APLF: variants seen among roughly 807,000 people sequenced by gnomAD.
APLF encodes the protein aprataxin and PNK-like factor.
APLF carries 61 observed loss-of-function variants against 55.6 expected under a neutral mutation model. That is an observed-to-expected ratio of 1.10 (90% confidence interval 0.89 to 1.36). The LOEUF is 1.36. Ranked by LOEUF, APLF falls within the 40% of genes most tolerant of loss-of-function variation. APLF has a pLI of 0.00. For synonymous variants in APLF, 207 were observed against 214.8 expected (o/e 0.96, Z 0.32); for missense variants, 611 against 602.5 (o/e 1.01, Z -0.15).
intron 1 of APLF, among the ~76,000 whole-genome samples, chr2:68,480,242 T>C (rs1675911646): frequency 6.6e-6 from 1 of 152,042 alleles, no homozygotes; most frequent in South Asian, 2.1e-4. Flanking sequence ...TAAGATCATG[T>C]TATCTACAAG....
intron 5 of APLF, among the ~76,000 whole-genome samples, chr2:68,519,153 AGACTT>A (rs1251773471): frequency 3.6e-5 from 5 of 137,080 alleles, no homozygotes; most frequent in African/African-American, 5.4e-5. Context: ...ATATATATAA[AGACTT>A]GACCAAAAAT....
At chr2:68,540,900 TAGAA>T in intron 7 of APLF, among the ~76,000 whole-genome samples, 1 of 152,256 alleles carries the variant, frequency 6.6e-6, no homozygotes, top group Admixed American at 6.5e-5. Context: ...CATGACCAGA[TAGAA>T]AGCCTTATTA....
In APLF at chr2:68,529,943, T is replaced by C. The variant is rs1397482904; in HGVS notation, c.804+3701T>C. ...GCTCCCCCGGGGCCTCTCCAGTGCC[T>C]CTGTGCCGCCTGGAGCCAGGCCCGC... On this transcript the variant is annotated intron_variant, in intron 6 of 9. Coordinates refer to ENST00000303795, the MANE Select transcript of APLF (RefSeq NM_173545.3). The surrounding 1 kb of genome is among the most constrained non-coding windows in gnomAD (Gnocchi z 4.4). 2.6e-5 allele frequency among the ~76,000 whole-genome samples: 4 copies of C among 152,218 alleles called. No individual in the cohort carries two copies. Among genetic ancestry groups the C allele is most frequent in the Non-Finnish European group, 4.4e-5 (3 of 68,032 alleles).
chr2:68,476,367 C>T (rs1004655649), intron 1 of APLF, among the ~76,000 whole-genome samples: 1 of 151,164 alleles, frequency 6.6e-6, no homozygotes, highest in African/African-American at 2.4e-5. Context: ...CCTGTAATCT[C>T]AGCTACTTGG....
intron 8 of APLF, among the ~76,000 whole-genome samples, chr2:68,565,793 CA>C (rs1351528520): frequency 9.9e-5 from 15 of 151,984 alleles, no homozygotes; most frequent in African/African-American, 3.4e-4. Flanking sequence ...CAGTTGGATA[CA>C]TTTTTTTACA....
At position 68,513,151 on chromosome 2, in the gene APLF, A is replaced by G; in HGVS notation, c.413A>G (p.His138Arg). 5.0e-6 allele frequency: 8 copies of G among 1,611,490 alleles called. No homozygotes were observed. The highest frequency in any genetic ancestry group is 6.8e-6 in the Non-Finnish European group (8 of 1,178,390). Residue 138 changes from histidine (H) to arginine (R), a missense_variant, in exon 4 of 10, where the codon CAT becomes CGT. His to Arg is a conservative substitution (Grantham distance 29). Transcript: ENST00000303795. ...TPKSPVINLP[H>R]ETTGASQLEG... ...AAATCCCCCGTGATTAATTTACCTC[A>G]TGAGACTACTGGTGCCTCACAACTG... is the stretch of plus-strand genomic sequence containing the variant.
At chr2:68,519,064 A>G (rs1403806198) in intron 5 of APLF, among the ~76,000 whole-genome samples, 1 of 127,698 alleles carries the variant, frequency 7.8e-6, no homozygotes, top group Admixed American at 9.0e-5. Flanking sequence ...TATAATTAAT[A>G]TATAATAATA....
intron 8 of APLF, among the ~76,000 whole-genome samples, chr2:68,562,703 C>G (rs754401044): frequency 5.3e-5 from 8 of 151,832 alleles, no homozygotes; most frequent in Non-Finnish European, 1.0e-4. Flanking sequence ...TGAACAAGTT[C>G]ATAAAAATGG....
chr2:68,476,239 A>G (rs139026555), intron 1 of APLF, among the ~76,000 whole-genome samples: 22 of 152,202 alleles, frequency 1.4e-4, no homozygotes, highest in African/African-American at 5.1e-4. Flanking sequence ...TAATCCCAGC[A>G]CTTTGGGAGG....
chr2:68,506,046 G>C (rs889908347), intron 3 of APLF, among the ~76,000 whole-genome samples: 5 of 151,856 alleles, frequency 3.3e-5, no homozygotes, highest in Non-Finnish European at 7.4e-5. Context: ...AACAAAAGAC[G>C]CTCCTTTCAC....
In APLF at chr2:68,538,151, A is replaced by C. The variant is rs779201214; in HGVS notation, c.1084A>C (p.Thr362Pro). The C allele has an allele frequency of 1.2e-6, 2 of 1,614,006 alleles. No individual in the cohort carries two copies. Among genetic ancestry groups the C allele is most frequent in the Admixed American group, 3.3e-5 (2 of 59,992 alleles). The change falls in exon 7 of 10, where the codon ACT becomes CCT. Residue 362 changes from threonine (T) to proline (P), a missense_variant. Thr to Pro is a conservative substitution (Grantham distance 38, BLOSUM62 -1). Coordinates refer to ENST00000303795, the MANE Select transcript of APLF (RefSeq NM_173545.3). ...TCCTGAAACTTTGCATGCAAAGGCA[A>C]CTGATTCAGTTCTACAAGGTTCTGA... Reference protein sequence around the residue: ...SNPETLHAKATDSVLQGSEGN... With the variant: ...SNPETLHAKAPDSVLQGSEGN...
intron 8 of APLF, among the ~76,000 whole-genome samples, chr2:68,564,154 A>G (rs1192526061): frequency 6.6e-6 from 1 of 152,106 alleles, no homozygotes; most frequent in Non-Finnish European, 1.5e-5. Context: ...TAATTAAGTC[A>G]GTGACCTGCA....
chr2:68,529,231 C>G lies in APLF; in HGVS notation c.804+2989C>G. ...TGCCCGTGTTCCAAGGGATAAGACA[C>G]AGCCTCATAAGGGTGCCGTCCCACC... On this transcript the variant is annotated intron_variant, in intron 6 of 9. Transcript: ENST00000303795. The surrounding 1 kb of genome is among the most constrained non-coding windows in gnomAD (Gnocchi z 4.4). The G allele has an allele frequency of 8.0e-7, 1 of 1,249,072 alleles. No homozygotes were observed. The highest frequency in any genetic ancestry group is 1.1e-6 in the Non-Finnish European group (1 of 929,976). The allele number at this position is 1,249,072 out of a possible 1,614,324, so 77.4% of individuals were successfully genotyped here. A position where few individuals can be genotyped will look rare whatever the true frequency, so the allele number is the denominator to read the frequency against.
At chr2:68,492,667 T>C (rs146849225) in intron 2 of APLF, among the ~76,000 whole-genome samples, 1 of 152,304 alleles carries the variant, frequency 6.6e-6, no homozygotes, top group African/African-American at 2.4e-5. Flanking sequence ...TCACTTTTAC[T>C]GGGTCTTTAA....
intron 3 of APLF, among the ~76,000 whole-genome samples, chr2:68,505,365 A>G (rs1461152076): frequency 6.6e-6 from 1 of 151,856 alleles, no homozygotes; most frequent in Non-Finnish European, 1.5e-5. Context: ...TTATATGTCT[A>G]TTTAAATTTC....
intron 7 of APLF, among the ~76,000 whole-genome samples, chr2:68,540,231 A>C (rs892048539): frequency 1.3e-5 from 2 of 151,360 alleles, no homozygotes; most frequent in African/African-American, 4.9e-5. Flanking sequence ...TCATTGTTCA[A>C]CTCCCACTTA....
chr2:68,507,174 A>G (rs35601942), intron 3 of APLF, among the ~76,000 whole-genome samples: 7,834 of 151,996 alleles, frequency 0.052, 255 homozygotes, highest in Middle Eastern at 0.092. Flanking sequence ...GATAGACTAC[A>G]TATATTCTCT....
At chr2:68,528,416 G>C in intron 6 of APLF, 1 of 1,534,338 alleles carries the variant, frequency 6.5e-7, no homozygotes, top group South Asian at 1.2e-5. Flanking sequence ...AGCCGGTGGG[G>C]GCCTCTCATC....
At chr2:68,470,096 C>T (rs1013688314) in intron 1 of APLF, among the ~76,000 whole-genome samples, 10 of 152,106 alleles carry the variant, frequency 6.6e-5, no homozygotes, top group Non-Finnish European at 2.9e-5. Flanking sequence ...CATCAGAGAA[C>T]CCCAGGTCTT....
Sources: allele counts gnomAD v4.1 joint callset (sites outside exome capture counted in the v4.1 genomes callset), GRCh38; gene constraint gnomAD v4.1.1; non-coding constraint Gnocchi (gnomAD v3.1); transcripts MANE v1.5; gene names NCBI Gene and HGNC (gene_info 2026-07-23, HGNC 2026-07-21).